The following PCDHGB3 variants were observed in gnomAD, a reference collection of about 807,000 sequenced individuals.
PCDHGB3 encodes the protein protocadherin gamma-B3.
Under a neutral mutation model 59.2 loss-of-function variants are expected in PCDHGB3, and 40 were observed. The observed-to-expected ratio is 0.68, with a 90% CI of 0.52 to 0.88. The LOEUF (loss-of-function observed/expected upper bound fraction) is 0.88, where lower values mean the gene tolerates loss of function less well. PCDHGB3 is among the 40% of genes least tolerant of loss of function. The probability of loss-of-function intolerance (pLI) is 0.00; values close to 1 mark genes in which losing one functional copy is unlikely to be tolerated. For synonymous variants in PCDHGB3, 581 were observed against 503.6 expected (o/e 1.15, Z -2.06); for missense variants, 1,309 against 1,187.9 (o/e 1.10, Z -1.50).
At chr5:141,375,879 G>C in intron 1 of PCDHGB3, 1 of 1,613,144 alleles carries the variant, frequency 6.2e-7, no homozygotes, top group Non-Finnish European at 8.5e-7. Flanking sequence ...AGAGACTCGG[G>C]CCAGAACGCC....
At chr5:141,507,450 CAGAG>C (rs940460926) in intron 3 of PCDHGB3, among the ~76,000 whole-genome samples, 1 of 152,170 alleles carries the variant, frequency 6.6e-6, no homozygotes, top group African/African-American at 2.4e-5. Flanking sequence ...GACGGAAGGA[CAGAG>C]AGAGAGGTGG....
intron 1 of PCDHGB3, chr5:141,415,055 C>T (rs767474996): frequency 6.2e-7 from 1 of 1,613,400 alleles, no homozygotes; most frequent in African/African-American, 1.3e-5. Flanking sequence ...GGGGAGCACA[C>T]GGGCGAGGTG....
chr5:141,471,926 G>A (rs2099266798), intron 1 of PCDHGB3, among the ~76,000 whole-genome samples: 2 of 152,110 alleles, frequency 1.3e-5, no homozygotes. Flanking sequence ...AATTTTGGGG[G>A]TGATGAGAGT....
rs138408376 is a variant in PCDHGB3 at position 141,421,859 on chromosome 5, T to C, written c.2415+49050T>C. The stretch of plus-strand genomic sequence containing the variant: ...CGAGAGAAAGAGGCTGCTCACCTGC[T>C]CCTCCTCACAGCTTTAGATGGAGGC... On this transcript the variant is annotated intron_variant, in intron 1 of 3. Coordinates refer to ENST00000576222, the MANE Select transcript of PCDHGB3 (RefSeq NM_018924.5). The C allele has an allele frequency of 1.7e-3, 2,741 of 1,613,710 alleles. 8 individuals carry two copies. Among genetic ancestry groups the C allele is most frequent in the Middle Eastern group, 8.1e-3 (49 of 6,062 alleles).
Position 141,494,808 on chromosome 5 carries a change from A to G in PCDHGB3, c.2417A>G (p.Gln806Arg). The G allele has an allele frequency of 1.9e-6, 3 of 1,614,014 alleles. No individual in the cohort carries two copies. Among genetic ancestry groups the G allele is most frequent in the Non-Finnish European group, 2.5e-6 (3 of 1,179,982 alleles). The change falls in exon 2 of 4, where the codon CAA becomes CGA. Residue 806 changes from glutamine to arginine, a missense_variant and splice_region_variant. Gln to Arg is a conservative substitution (Grantham distance 43, BLOSUM62 1). Coordinates refer to ENST00000576222, the MANE Select transcript of PCDHGB3 (RefSeq NM_018924.5). ...CCTTTCCCTCTGTTTTCTCCACAGC[A>G]AGCCCCGCCCAACACGGACTGGCGT... ...MPSNSGNLQK[Q>R]APPNTDWRFS...
chr5:141,404,348 G>T lies in PCDHGB3; in HGVS notation c.2415+31539G>T, dbSNP rs370966293. 60 of 1,613,640 alleles carry T rather than the reference G, an allele frequency of 3.7e-5. No individual in the cohort carries two copies. The highest frequency in any genetic ancestry group is 4.9e-5 in the Non-Finnish European group (58 of 1,179,784). ...CTCAGTCTACCTCCCGGAAAACAAC[G>T]CCAGAGGTACTTCCATCTTCTCCGT... On this transcript the variant is annotated intron_variant, in intron 1 of 3. Coordinates refer to ENST00000576222, the MANE Select transcript of PCDHGB3 (RefSeq NM_018924.5).
intron 1 of PCDHGB3, among the ~76,000 whole-genome samples, chr5:141,450,022 T>TTTTC: frequency 6.7e-6 from 1 of 149,424 alleles, no homozygotes; most frequent in Admixed American, 6.7e-5. Context: ...TTTTTTTTTT[T>TTTTC]TTGAGACAGG....
chr5:141,390,583 AATGAG>A (rs1352765004), intron 1 of PCDHGB3: 1 of 348,204 alleles, frequency 2.9e-6, no homozygotes, highest in Non-Finnish European at 5.2e-6. Context: ...CTAAAAAGTG[AATGAG>A]ATTTTTCCTA....
In PCDHGB3 at chr5:141,434,333, G is replaced by A. The variant is rs200059384; in HGVS notation, c.2416-60474G>A. On this transcript the variant is annotated intron_variant, in intron 1 of 3. Coordinates refer to ENST00000576222, the MANE Select transcript of PCDHGB3 (RefSeq NM_018924.5). The stretch of plus-strand genomic sequence containing the variant: ...TCTTCCTCTTGCTGCTTGTCTCTTT[G>A]TGTCGGGAACAGGCCCCCCAAAATC... Among the ~76,000 whole-genome samples, 23 of 152,220 alleles carry A rather than the reference G, an allele frequency of 1.5e-4. No individual in the cohort carries two copies. In the East Asian group the frequency reaches 4.3e-3, roughly 28 times the overall value.
chr5:141,374,326 C>T (rs1343594345), intron 1 of PCDHGB3: 6 of 1,613,980 alleles, frequency 3.7e-6, no homozygotes, highest in East Asian at 4.5e-5. Context: ...ATCCGCGAAA[C>T]GGCAGCTTGG....
chr5:141,371,837 G>A lies in PCDHGB3; in HGVS notation c.1443G>A (p.Leu481=). 6.2e-7 allele frequency: 1 copy of A among 1,613,710 alleles called. No individual in the cohort carries two copies. The highest frequency in any genetic ancestry group is 1.1e-5 in the South Asian group (1 of 91,080). The change falls in exon 1 of 4, where the codon TTG becomes TTA. Residue 481 remains leucine (L), a synonymous_variant. Transcript: ENST00000576222. ...ATGTCAGAGCCTCGGATCCCGACTT[G>A]GGACCTAATGGCCTTGTCTCCTACT... The part of the protein sequence containing the change: ...IAHVRASDPD[L]GPNGLVSYYI...
At position 141,505,425 on chromosome 5, in the gene PCDHGB3, C is replaced by G; in HGVS notation, c.2507C>G (p.Pro836Arg). 1 of 1,614,178 alleles carries G rather than the reference C, an allele frequency of 6.2e-7. No individual in the cohort carries two copies. Among genetic ancestry groups the G allele is most frequent in the Non-Finnish European group, 8.5e-7 (1 of 1,180,014 alleles). ...SQNGDDTGTW[P>R]NNQFDTEMLQ... ...AATGGCGATGACACCGGCACCTGGC[C>G]CAACAACCAGTTTGACACAGAGATG... The change falls in exon 3 of 4, where the codon CCC becomes CGC. Residue 836 changes from proline to arginine, a missense_variant. Transcript: ENST00000576222.
rs2233613 is a variant in PCDHGB3 at position 141,511,203 on chromosome 5, G to A, written c.*30G>A. 0.14 allele frequency: 222,603 copies of A among 1,611,360 alleles called. 15,640 individuals carry two copies. The highest frequency in any genetic ancestry group is 0.18 in the Admixed American group (10,873 of 59,374). ...GAGGCCAGGCCAAGAGCCACAGGGC[G>A]GCCTCTCCCCAACCAGCCCAGCTTC... On this transcript the variant is annotated 3_prime_UTR_variant, in exon 4 of 4. Transcript: ENST00000576222.
chr5:141,404,890 A>G (rs745830169), intron 1 of PCDHGB3: 1 of 1,613,870 alleles, frequency 6.2e-7, no homozygotes, highest in Middle Eastern at 1.6e-4. Context: ...TGGTGGCTGT[A>G]CAGGACCATG....
chr5:141,439,445 G>T (rs1030957687), intron 1 of PCDHGB3, among the ~76,000 whole-genome samples: 1 of 152,102 alleles, frequency 6.6e-6, no homozygotes, highest in Non-Finnish European at 1.5e-5. Context: ...ATTTTATTGC[G>T]GGAGCAAGAC....
chr5:141,457,942 T>C (rs2098933338), intron 1 of PCDHGB3, among the ~76,000 whole-genome samples: 1 of 152,226 alleles, frequency 6.6e-6, no homozygotes, highest in Non-Finnish European at 1.5e-5. Flanking sequence ...TTATTGGCTC[T>C]GCATGTCAAG....
At chr5:141,415,476 G>C in intron 1 of PCDHGB3, 1 of 1,614,194 alleles carries the variant, frequency 6.2e-7, no homozygotes, top group Non-Finnish European at 8.5e-7. Context: ...CCGCGGACTC[G>C]CGAAAGAGTC....
At chr5:141,419,017 A>G (rs1478763916) in intron 1 of PCDHGB3, 4 of 1,613,928 alleles carry the variant, frequency 2.5e-6, no homozygotes, top group Non-Finnish European at 3.4e-6. Flanking sequence ...GGTGTAGCTT[A>G]AGTAGAGGTG....
chr5:141,413,533 C>T (rs777022301), intron 1 of PCDHGB3: 1 of 1,613,934 alleles, frequency 6.2e-7, no homozygotes, highest in Admixed American at 1.7e-5. Context: ...CAGGGTGAAA[C>T]TTTTTGGGAT....
Sources: gnomAD v4.1 joint callset for allele counts (sites outside exome capture counted in the v4.1 genomes callset) on GRCh38, gnomAD v4.1.1 for gene constraint, MANE v1.5 for transcripts, NCBI Gene and HGNC (gene_info 2026-07-23, HGNC 2026-07-21) for gene names.